BRINP3: variants seen among roughly 807,000 people sequenced by gnomAD.
BRINP3 encodes the protein BMP/retinoic acid-inducible neural-specific protein 3.
BRINP3 carries 19 observed loss-of-function variants against 71.0 expected under a neutral mutation model. The ratio of observed to expected loss-of-function variants is 0.27; its 90% CI spans 0.19 to 0.39. The LOEUF is 0.39. BRINP3 is among the 10% of genes least tolerant of loss of function. The pLI, the probability that BRINP3 is intolerant of heterozygous loss-of-function variation, is 1.00. For missense variants in BRINP3, 959 were observed against 940.8 expected, an observed-to-expected ratio of 1.02 and a Z score of -0.25; for synonymous variants, 380 against 337.7, an observed-to-expected ratio of 1.13 and a Z score of -1.37.
At chr1:190,342,994 G>A (rs2103117873) in intron 2 of BRINP3, among the ~76,000 whole-genome samples, 1 of 151,818 alleles carries the variant, frequency 6.6e-6, no homozygotes, top group South Asian at 2.1e-4. Context: ...TCATTCAGTA[G>A]GATTCGAAGA....
intron 5 of BRINP3, among the ~76,000 whole-genome samples, chr1:190,231,815 A>G (rs1658018250): frequency 6.6e-6 from 1 of 151,908 alleles, no homozygotes; most frequent in Non-Finnish European, 1.5e-5. Flanking sequence ...ATACTGATTC[A>G]TATACCAATG....
chr1:190,320,486 C>T (rs965037113), intron 2 of BRINP3, among the ~76,000 whole-genome samples: 1 of 152,172 alleles, frequency 6.6e-6, no homozygotes, highest in South Asian at 2.1e-4. Context: ...GTATAATTAT[C>T]GTATACTTCA....
intron 2 of BRINP3, among the ~76,000 whole-genome samples, chr1:190,297,369 A>G (rs1479196423): frequency 2.0e-5 from 3 of 152,106 alleles, no homozygotes; most frequent in Non-Finnish European, 4.4e-5. Flanking sequence ...CACAAAAAAA[A>G]AACTCAAAAA....
intron 4 of BRINP3, among the ~76,000 whole-genome samples, chr1:190,262,854 C>T (rs1001387960): frequency 6.6e-6 from 1 of 151,988 alleles, no homozygotes; most frequent in African/African-American, 2.4e-5. Context: ...AATACAATGC[C>T]TGTATATAAC....
intron 2 of BRINP3, among the ~76,000 whole-genome samples, chr1:190,352,216 T>C (rs996306480): frequency 6.6e-6 from 1 of 152,060 alleles, no homozygotes; most frequent in Non-Finnish European, 1.5e-5. Flanking sequence ...GGTTCATCTA[T>C]CATTTTGACT....
intron 2 of BRINP3, among the ~76,000 whole-genome samples, chr1:190,331,649 C>A (rs1435726865): frequency 1.3e-5 from 2 of 152,042 alleles, no homozygotes; most frequent in Non-Finnish European, 2.9e-5. Context: ...AGCATCTGAA[C>A]TTCTCCATAG....
chr1:190,221,640 G>A (rs958058810), intron 6 of BRINP3, among the ~76,000 whole-genome samples: 10 of 151,994 alleles, frequency 6.6e-5, no homozygotes, highest in Admixed American at 3.3e-4. Flanking sequence ...GAATAAAGAA[G>A]TAAGACCCAA....
At chr1:190,281,881 TAGG>T (rs1571621935) in intron 2 of BRINP3, 131 bp from the exon 3 acceptor site, 1 of 713,392 alleles carries the variant, frequency 1.4e-6, no homozygotes, top group East Asian at 2.9e-5. Context: ...GTGCTATGAG[TAGG>T]AGAAGCAATA....
At chr1:190,406,424 G>T (rs752661944) in intron 2 of BRINP3, among the ~76,000 whole-genome samples, 1 of 152,030 alleles carries the variant, frequency 6.6e-6, no homozygotes, top group Non-Finnish European at 1.5e-5. Flanking sequence ...CTATATTTTC[G>T]TACTGCTGCA....
intron 6 of BRINP3, among the ~76,000 whole-genome samples, chr1:190,209,195 A>G (rs936854196): frequency 6.6e-6 from 1 of 152,148 alleles, no homozygotes; most frequent in Non-Finnish European, 1.5e-5. Flanking sequence ...TACATAATTC[A>G]GTATAGACTA....
In BRINP3 at chr1:190,423,303, G is replaced by T. The variant is rs1231122396; in HGVS notation, c.236+31352C>A. Among the ~76,000 whole-genome samples the T allele has an allele frequency of 3.3e-5, 5 of 151,454 alleles. No homozygotes were observed. The Admixed American group carries it at 3.3e-4, about 10-fold the overall frequency. Reference sequence around the variant, plus strand: ...AAAATTTCTTTTTCACTGTTATAGAGTTCAATTTATTTAAAAAAATCACCA... The same window carrying T: ...AAAATTTCTTTTTCACTGTTATAGATTTCAATTTATTTAAAAAAATCACCA... On this transcript the variant is annotated intron_variant, in intron 2 of 7. Transcript: ENST00000367462.
intron 2 of BRINP3, among the ~76,000 whole-genome samples, chr1:190,414,022 G>A (rs1672855759): frequency 6.6e-6 from 1 of 152,070 alleles, no homozygotes; most frequent in Admixed American, 6.6e-5. Context: ...GAGTGCAGTG[G>A]TGTGATCATA....
chr1:190,352,329 G>A (rs954181990), intron 2 of BRINP3, among the ~76,000 whole-genome samples: 1 of 152,012 alleles, frequency 6.6e-6, no homozygotes, highest in African/African-American at 2.4e-5. Flanking sequence ...GGGAAGCTTA[G>A]AAATATGTGA....
intron 5 of BRINP3, among the ~76,000 whole-genome samples, chr1:190,227,725 A>G (rs1657534170): frequency 6.6e-6 from 1 of 151,922 alleles, no homozygotes; most frequent in African/African-American, 2.4e-5. Context: ...ACAGCATCAC[A>G]CACAGATAAA....
At chr1:190,474,137 C>T (rs1472364918) in intron 1 of BRINP3, among the ~76,000 whole-genome samples, 1 of 152,116 alleles carries the variant, frequency 6.6e-6, no homozygotes, top group Non-Finnish European at 1.5e-5. Context: ...AACTCTCTAC[C>T]CTTCCCATTT....
At chr1:190,290,540 A>G (rs939152333) in intron 2 of BRINP3, among the ~76,000 whole-genome samples, 3 of 152,128 alleles carry the variant, frequency 2.0e-5, no homozygotes, top group Non-Finnish European at 4.4e-5. Context: ...TTAGCAGTCA[A>G]TAAGTTTATA....
chr1:190,213,366 C>A (rs1831781), intron 6 of BRINP3, among the ~76,000 whole-genome samples: 59,232 of 151,870 alleles, frequency 0.39, 12,781 homozygotes, highest in Non-Finnish European at 0.49. Flanking sequence ...ACTTCAGTGT[C>A]CTCATCCAAA....
chr1:190,391,803 G>A (rs185831618), intron 2 of BRINP3, among the ~76,000 whole-genome samples: 1 of 151,856 alleles, frequency 6.6e-6, no homozygotes, highest in East Asian at 1.9e-4. Context: ...GTCAGTGCTA[G>A]AGACCAAAAC....
intron 4 of BRINP3, among the ~76,000 whole-genome samples, chr1:190,262,110 A>G (rs188929410): frequency 6.0e-4 from 92 of 152,312 alleles, no homozygotes; most frequent in African/African-American, 2.0e-3. Flanking sequence ...GCACAGACAC[A>G]TCAGTGTTCA....
Sources: gnomAD v4.1 joint callset for allele counts (sites outside exome capture counted in the v4.1 genomes callset) on GRCh38, gnomAD v4.1.1 for gene constraint, MANE v1.5 for transcripts, NCBI Gene and HGNC (gene_info 2026-07-23, HGNC 2026-07-21) for gene names.